The following PLAA variants were observed in gnomAD, a reference collection of about 807,000 sequenced individuals.
PLAA encodes the protein phospholipase A-2-activating protein.
Under a neutral mutation model 84.1 loss-of-function variants are expected in PLAA, and 48 were observed. The ratio of observed to expected loss-of-function variants is 0.57; its 90% CI spans 0.45 to 0.73. The LOEUF is 0.73. Ranked by LOEUF, PLAA falls within the 30% of genes least tolerant of loss-of-function variation. The pLI is 0.00. For missense variants in PLAA, 903 were observed against 954.7 expected, an observed-to-expected ratio of 0.95 and a Z score of 0.71; for synonymous variants, 392 against 336.6, an observed-to-expected ratio of 1.16 and a Z score of -1.80.
chr9:26,918,984 GA>G (rs138100731), intron 9 of PLAA, among the ~76,000 whole-genome samples: 7 of 151,964 alleles, frequency 4.6e-5, no homozygotes. Context: ...AGCCTCATGT[GA>G]AAAAAAGATT....
intron 11 of PLAA, among the ~76,000 whole-genome samples, chr9:26,910,908 G>A (rs1344975282): frequency 6.6e-6 from 1 of 151,970 alleles, no homozygotes; most frequent in Non-Finnish European, 1.5e-5. Context: ...TCTTCTCTAA[G>A]GCATGCTGAT....
intron 8 of PLAA, 108 bp downstream of exon 8, chr9:26,920,119 A>AT: frequency 1.2e-6 from 1 of 835,560 alleles, no homozygotes; most frequent in Non-Finnish European, 1.9e-6. Flanking sequence ...ACAGTAATGG[A>AT]TTTTTAAATG....
intron 1 of PLAA, among the ~76,000 whole-genome samples, chr9:26,938,630 G>C (rs1015915790): frequency 6.6e-6 from 1 of 150,512 alleles, no homozygotes; most frequent in Non-Finnish European, 1.5e-5. Context: ...GCTTAAAGGA[G>C]CCTTCTCGCA....
rs1346273942 is a variant in PLAA at position 26,905,202 on chromosome 9, A to C, written c.*309T>G. 3.5e-6 allele frequency: 1 copy of C among 286,258 alleles called. No individual in the cohort carries two copies. The highest frequency in any genetic ancestry group is 6.6e-6 in the Non-Finnish European group (1 of 152,556). The allele number at this position is 286,258 out of a possible 1,614,324, so 17.7% of individuals were successfully genotyped here. A position where few individuals can be genotyped will look rare whatever the true frequency, so the allele number is the denominator to read the frequency against. On this transcript the variant is annotated 3_prime_UTR_variant, in exon 14 of 14. Transcript: ENST00000397292. ...TTAAGTAATAAAAGCAAGTTATATG[A>C]GTAACAGCCCTTGTCTTCTTAGTGG...
intron 9 of PLAA, among the ~76,000 whole-genome samples, chr9:26,918,421 C>T (rs1351232820): frequency 6.6e-6 from 1 of 151,980 alleles, no homozygotes; most frequent in African/African-American, 2.4e-5. Context: ...AGCCACCACA[C>T]CTGGCCTGAT....
chr9:26,936,358 A>C (rs1280417094), intron 1 of PLAA, among the ~76,000 whole-genome samples: 1 of 152,244 alleles, frequency 6.6e-6, no homozygotes, highest in Non-Finnish European at 1.5e-5. Flanking sequence ...CCGAAGAACC[A>C]ATTTACCAAC....
chr9:26,909,487 C>T (rs1824333726), intron 12 of PLAA, among the ~76,000 whole-genome samples: 1 of 152,182 alleles, frequency 6.6e-6, no homozygotes, highest in Non-Finnish European at 1.5e-5. Context: ...TAATTCTCAT[C>T]ATAATCTTTG....
At chr9:26,916,514 G>T in intron 10 of PLAA, 1 of 986,596 alleles carries the variant, frequency 1.0e-6, no homozygotes, top group Non-Finnish European at 1.2e-6. Context: ...CTTAGATTAG[G>T]AAGACTACTC....
chr9:26,910,280 C>T (rs578258535), intron 12 of PLAA, 58 bp downstream of exon 12: 27 of 1,287,360 alleles, frequency 2.1e-5, no homozygotes, highest in Non-Finnish European at 2.9e-5. Flanking sequence ...GAGAAACAAC[C>T]TTGATGACAT....
At chr9:26,944,983 C>T (rs1035027974) in intron 1 of PLAA, among the ~76,000 whole-genome samples, 2 of 152,090 alleles carry the variant, frequency 1.3e-5, no homozygotes, top group South Asian at 2.1e-4. Flanking sequence ...CAAAATTAGC[C>T]GGGCATGGTG....
chr9:26,931,858 A>T (rs751622938), intron 2 of PLAA, among the ~76,000 whole-genome samples: 6 of 152,048 alleles, frequency 3.9e-5, no homozygotes, highest in Non-Finnish European at 8.8e-5. Context: ...CCTGGACAAC[A>T]TGGATCACCA....
chr9:26,903,914 T>C lies in PLAA; in HGVS notation c.*1597A>G, dbSNP rs900628294. Among the ~76,000 whole-genome samples, 8 of 152,166 alleles carry C rather than the reference T, an allele frequency of 5.3e-5. No homozygotes were observed. Among genetic ancestry groups the C allele is most frequent in the Admixed American group, 1.3e-4 (2 of 15,278 alleles). On this transcript the variant is annotated 3_prime_UTR_variant, in exon 14 of 14. Transcript: ENST00000397292. ...TTCCTAAATATTGCAATTAAATTAT[T>C]TGTACTTAAGAAAGCAGTGTATTGT...
rs1824841094 is a variant in PLAA at position 26,923,488 on chromosome 9, C to T, written c.870-141G>A. On this transcript the variant is annotated intron_variant, in intron 6 of 13. Transcript: ENST00000397292. ...ATGTTATTAATTGCTGATTACAGCA[C>T]TGTGCTGACTTCAGCACATGCTACT... 1.2e-5 allele frequency: 7 copies of T among 602,544 alleles called. No individual in the cohort carries two copies. In the South Asian group the frequency reaches 1.7e-4, roughly 14 times the overall value. 37.3% of individuals were successfully genotyped at this position (602,544 alleles called of 1,614,324 possible).
chr9:26,905,439 T>C lies in PLAA; in HGVS notation c.*72A>G. 2 of 1,096,244 alleles carry C rather than the reference T, an allele frequency of 1.8e-6. No homozygotes were observed. Among genetic ancestry groups the C allele is most frequent in the Non-Finnish European group, 2.7e-6 (2 of 754,152 alleles). The allele number at this position is 1,096,244 out of a possible 1,614,324, so 67.9% of individuals were successfully genotyped here. The stretch of plus-strand genomic sequence containing the variant: ...ACCGTATTCTCTTTTTTTAATTATC[T>C]GTTATCAGTCATGTCAAATGTGAGG... On this transcript the variant is annotated 3_prime_UTR_variant, in exon 14 of 14. Coordinates refer to ENST00000397292, the MANE Select transcript of PLAA (RefSeq NM_001031689.3).
chr9:26,946,233 G>A (rs931888367), intron 1 of PLAA, among the ~76,000 whole-genome samples: 5 of 151,646 alleles, frequency 3.3e-5, no homozygotes, highest in African/African-American at 1.2e-4. Flanking sequence ...GGCTGAACCC[G>A]TGAACTCGAT....
At position 26,905,705 on chromosome 9, in the gene PLAA, T is replaced by C. The variant is rs147771284; in HGVS notation, c.2194A>G (p.Ile732Val). 67 of 1,614,100 alleles carry C rather than the reference T, an allele frequency of 4.2e-5. No homozygotes were observed. The highest frequency in any genetic ancestry group is 4.9e-5 in the Non-Finnish European group (58 of 1,180,026). The change falls in exon 14 of 14, where the codon ATC becomes GTC. Residue 732 changes from isoleucine (I) to valine (V), a missense_variant. Ile to Val is a conservative substitution (Grantham distance 29). Coordinates refer to ENST00000397292, the MANE Select transcript of PLAA (RefSeq NM_001031689.3). Reference protein sequence around the residue: ...KAQCLSLISTILEVVQDLEAT... With the variant: ...KAQCLSLISTVLEVVQDLEAT... ...TCTAGGTCTTGTACTACTTCCAAGATTGTGCTAATTAGTGACAAACATTGG... is the reference window on the plus strand; with the variant it reads ...TCTAGGTCTTGTACTACTTCCAAGACTGTGCTAATTAGTGACAAACATTGG...
At chr9:26,926,823 A>G (rs1824982793) in intron 4 of PLAA, among the ~76,000 whole-genome samples, 1 of 152,068 alleles carries the variant, frequency 6.6e-6, no homozygotes, top group African/African-American at 2.4e-5. Context: ...TTTGACCCCA[A>G]TAATTTGTTT....
chr9:26,937,180 A>C (rs910526111), intron 1 of PLAA, among the ~76,000 whole-genome samples: 2 of 152,152 alleles, frequency 1.3e-5, no homozygotes, highest in African/African-American at 4.8e-5. Flanking sequence ...CATTCCCCTA[A>C]CACCTTCATT....
intron 1 of PLAA, among the ~76,000 whole-genome samples, chr9:26,937,451 A>G (rs1252985016): frequency 6.6e-6 from 1 of 152,206 alleles, no homozygotes; most frequent in Non-Finnish European, 1.5e-5. Flanking sequence ...CTAGAGTTAT[A>G]TTATTAGATT....
Sources: allele counts gnomAD v4.1 joint callset (sites outside exome capture counted in the v4.1 genomes callset), GRCh38; gene constraint gnomAD v4.1.1; transcripts MANE v1.5; gene names NCBI Gene and HGNC (gene_info 2026-07-23, HGNC 2026-07-21).